The following NDE1 variants were observed in gnomAD, a reference collection of about 807,000 sequenced individuals.
The protein encoded by NDE1 is nuclear distribution protein nudE homolog 1.
A neutral mutation model predicts 43.4 loss-of-function variants in NDE1; 28 were observed. The observed-to-expected ratio is 0.65, with a 90% CI of 0.48 to 0.89. The LOEUF (loss-of-function observed/expected upper bound fraction) is 0.89, where lower values mean the gene tolerates loss of function less well. NDE1 is among the 40% of genes least tolerant of loss of function. The pLI, the probability that NDE1 is intolerant of heterozygous loss-of-function variation, is 0.00. For missense variants in NDE1, 441 were observed against 434.1 expected, an observed-to-expected ratio of 1.02 and a Z score of -0.14; for synonymous variants, 184 against 172.0, an observed-to-expected ratio of 1.07 and a Z score of -0.55.
At chr16:15,717,353 G>C in intron 8 of NDE1, 1 of 1,604,798 alleles carries the variant, frequency 6.2e-7, no homozygotes. Flanking sequence ...CTCGGCCTGG[G>C]GAGGAGAGTG....
chr16:15,667,749 A>G (rs552153985), intron 3 of NDE1, among the ~76,000 whole-genome samples: 1 of 148,900 alleles, frequency 6.7e-6, no homozygotes, highest in East Asian at 2.0e-4. Context: ...CTCCTGCCTC[A>G]GCCTCCTGAG....
intron 4 of NDE1, among the ~76,000 whole-genome samples, chr16:15,682,189 A>T (rs537778130): frequency 6.6e-6 from 1 of 152,236 alleles, no homozygotes; most frequent in East Asian, 1.9e-4. Context: ...AGGTCACCAA[A>T]GTTTTATGTA....
intron 5 of NDE1, among the ~76,000 whole-genome samples, chr16:15,690,229 A>G (rs1457344985): frequency 6.6e-6 from 1 of 150,842 alleles, no homozygotes; most frequent in East Asian, 2.0e-4. Context: ...TATTTTTAAT[A>G]GAGACGGGGT....
chr16:15,650,849 C>A (rs2036465964), intron 1 of NDE1, among the ~76,000 whole-genome samples: 1 of 152,186 alleles, frequency 6.6e-6, no homozygotes, highest in Admixed American at 6.5e-5. Flanking sequence ...CTGTCCCGCC[C>A]CTGCAGGCCT....
intron 8 of NDE1, among the ~76,000 whole-genome samples, chr16:15,710,773 T>A (rs545612726): frequency 6.6e-6 from 1 of 151,822 alleles, no homozygotes; most frequent in Non-Finnish European, 1.5e-5. Context: ...TCCTCCTGGG[T>A]TGCAAAGGAG....
intron 1 of NDE1, chr16:15,643,939 A>G (rs545369532): frequency 6.6e-6 from 1 of 152,630 alleles, no homozygotes; most frequent in African/African-American, 2.4e-5. Flanking sequence ...TTAGTTTCAA[A>G]CACTTTGTGT....
intron 2 of NDE1, 26 bp downstream of exon 2, chr16:15,664,887 CTTTTTT>C: frequency 7.5e-7 from 1 of 1,341,282 alleles, no homozygotes; most frequent in Non-Finnish European, 1.0e-6. Context: ...CCTGCTTTTC[CTTTTTT>C]TTTTTTTTTT....
intron 1 of NDE1, among the ~76,000 whole-genome samples, chr16:15,653,970 A>G (rs1437344639): frequency 6.6e-6 from 1 of 152,042 alleles, no homozygotes; most frequent in Non-Finnish European, 1.5e-5. Flanking sequence ...ACCTCAGGTG[A>G]TCTGCCTGCC....
upstream of NDE1, among the ~76,000 whole-genome samples, chr16:15,648,680 C>T (rs143694352): frequency 5.0e-4 from 76 of 151,934 alleles, 1 homozygote; most frequent in East Asian, 0.014. Context: ...TAATGGTGGG[C>T]GCCTGTAATC....
At chr16:15,681,021 T>C (rs1486587393) in intron 4 of NDE1, among the ~76,000 whole-genome samples, 1 of 151,840 alleles carries the variant, frequency 6.6e-6, no homozygotes, top group Non-Finnish European at 1.5e-5. Flanking sequence ...TACATCTTTT[T>C]TTAAATACCT....
chr16:15,656,399 A>G (rs2036769242), intron 1 of NDE1, among the ~76,000 whole-genome samples: 1 of 152,082 alleles, frequency 6.6e-6, no homozygotes, highest in African/African-American at 2.4e-5. Context: ...GCCCGTTGTA[A>G]TTAGAACCTG....
At position 15,696,763 on chromosome 16, in the gene NDE1, A is replaced by G; in HGVS notation, c.850A>G (p.Asn284Asp). The change falls in exon 8 of 9, where the codon AAC (asparagine) becomes GAC (aspartate). Residue 284 changes from asparagine to aspartate, a missense_variant. Asn to Asp is a conservative substitution (Grantham distance 23). Coordinates refer to ENST00000396354, the MANE Select transcript of NDE1 (RefSeq NM_017668.3). ...GAACCTCGTGTACGATCAGTCCCCA[A>G]ACCGAACAGGTGGCCCAGCCTCTGG... ...CRNLVYDQSPNRTGGPASGRS... is the reference protein window; with the variant it reads ...CRNLVYDQSPDRTGGPASGRS... 1.2e-6 allele frequency: 2 copies of G among 1,614,198 alleles called. No individual in the cohort carries two copies. The highest frequency in any genetic ancestry group is 1.3e-5 in the African/African-American group (1 of 75,066).
intron 4 of NDE1, chr16:15,686,379 T>G: frequency 1.0e-6 from 1 of 985,378 alleles, no homozygotes; most frequent in South Asian, 4.7e-5. Flanking sequence ...TAACAGATTG[T>G]TTTCTTACAG....
At chr16:15,653,674 C>CT (rs1383199554) in intron 1 of NDE1, among the ~76,000 whole-genome samples, 1 of 147,034 alleles carries the variant, frequency 6.8e-6, no homozygotes, top group Non-Finnish European at 1.5e-5. Flanking sequence ...TATTTTCAGA[C>CT]TTTTTTGTTA....
In NDE1 at chr16:15,725,276, AC is replaced by A. The variant is rs2040698968; in HGVS notation, c.*1027del. The A allele has an allele frequency of 1.7e-6, 1 of 584,648 alleles. No homozygotes were observed. Among genetic ancestry groups the A allele is most frequent in the East Asian group, 2.9e-5 (1 of 34,714 alleles). 36.2% of individuals were successfully genotyped at this position (584,648 alleles called of 1,614,324 possible). ...TTGAGCCCCAATGGTATTGACTGGG[AC>A]CTGATCCCACTAAATGGATCCTAGA... is the stretch of plus-strand genomic sequence containing the variant. On this transcript the variant is annotated 3_prime_UTR_variant, in exon 9 of 9. Transcript: ENST00000396354.
At chr16:15,680,565 GCT>G (rs1263313404) in intron 4 of NDE1, among the ~76,000 whole-genome samples, 1 of 152,030 alleles carries the variant, frequency 6.6e-6, no homozygotes, top group Non-Finnish European at 1.5e-5. Flanking sequence ...ATGGAGTCTC[GCT>G]CTGTCTCCCA....
At position 15,725,571 on chromosome 16, in the gene NDE1, A is replaced by G; in HGVS notation, c.*1320A>G. 2.5e-6 allele frequency: 1 copy of G among 407,106 alleles called. No homozygotes were observed. Among genetic ancestry groups the G allele is most frequent in the East Asian group, 3.5e-5 (1 of 28,494 alleles). The allele number at this position is 407,106 out of a possible 1,614,324, so 25.2% of individuals were successfully genotyped here. Reference sequence around the variant, plus strand: ...CTGCATAAGTCCCTTTGAGGCTGTTAGCCTACCCCTCCATCTCTTCCATTG... The same window carrying G: ...CTGCATAAGTCCCTTTGAGGCTGTTGGCCTACCCCTCCATCTCTTCCATTG... On this transcript the variant is annotated 3_prime_UTR_variant, in exon 9 of 9. Transcript: ENST00000396354.
At chr16:15,677,709 G>A (rs967365532) in intron 3 of NDE1, 92 bp from the exon 4 acceptor site, 55 of 1,441,554 alleles carry the variant, frequency 3.8e-5, no homozygotes, top group African/African-American at 8.4e-5. Context: ...TTAGCCTCCC[G>A]AGTAGCTGTG....
intron 5 of NDE1, among the ~76,000 whole-genome samples, chr16:15,688,115 G>T (rs757210591): frequency 5.9e-5 from 9 of 152,348 alleles, no homozygotes; most frequent in Non-Finnish European, 7.3e-5. Context: ...GGTGGAGTAT[G>T]CAGTGAGCTA....
Sources: gnomAD v4.1 joint callset for allele counts (sites outside exome capture counted in the v4.1 genomes callset) on GRCh38, gnomAD v4.1.1 for gene constraint, MANE v1.5 for transcripts, NCBI Gene and HGNC (gene_info 2026-07-23, HGNC 2026-07-21) for gene names.